Variants in SNTG2 observed in about 807,000 individuals in gnomAD.
SNTG2 encodes the protein gamma-2-syntrophin.
Under a neutral mutation model 70.9 loss-of-function variants are expected in SNTG2, and 74 were observed. That is an observed-to-expected ratio of 1.04 (90% CI 0.86 to 1.27). SNTG2 has a LOEUF of 1.27. Ranked by LOEUF, SNTG2 falls within the 50% of genes most tolerant of loss-of-function variation. The probability of loss-of-function intolerance (pLI) is 0.00; values close to 1 mark genes in which losing one functional copy is unlikely to be tolerated. For synonymous variants in SNTG2, 278 were observed against 273.8 expected (o/e 1.02, Z -0.15); for missense variants, 717 against 690.7 (o/e 1.04, Z -0.43).
chr2:1,243,851 C>A (rs1206339335), intron 11 of SNTG2, among the ~76,000 whole-genome samples: 1 of 152,216 alleles, frequency 6.6e-6, no homozygotes, highest in Non-Finnish European at 1.5e-5. Flanking sequence ...CATGGTGAAA[C>A]CCCGTCTCTA....
At chr2:1,015,782 G>A (rs534625707) in intron 1 of SNTG2, among the ~76,000 whole-genome samples, 8 of 152,314 alleles carry the variant, frequency 5.3e-5, no homozygotes, top group African/African-American at 1.9e-4. Flanking sequence ...AAGAATTGAA[G>A]ACGCGCCTTT....
intron 9 of SNTG2, among the ~76,000 whole-genome samples, chr2:1,216,017 G>A (rs1273827400): frequency 1.3e-5 from 2 of 152,150 alleles, no homozygotes; most frequent in South Asian, 2.1e-4. Flanking sequence ...TTGAACATAC[G>A]TGTGCATGTG....
At chr2:1,183,209 T>G (rs1248067353) in intron 8 of SNTG2, among the ~76,000 whole-genome samples, 1 of 151,240 alleles carries the variant, frequency 6.6e-6, no homozygotes, top group Non-Finnish European at 1.5e-5. Flanking sequence ...TGCTATCCAG[T>G]ATTCCACTGT....
intron 9 of SNTG2, among the ~76,000 whole-genome samples, chr2:1,214,520 T>C (rs1572744547): frequency 6.6e-6 from 1 of 152,174 alleles, no homozygotes; most frequent in Admixed American, 6.5e-5. Context: ...AATGGGATTG[T>C]TTTATTAATT....
At chr2:1,136,506 G>A (rs1306169153) in intron 4 of SNTG2, among the ~76,000 whole-genome samples, 1 of 152,108 alleles carries the variant, frequency 6.6e-6, no homozygotes, top group Non-Finnish European at 1.5e-5. Context: ...TACAGAATCG[G>A]TACCATTACG....
At chr2:1,188,887 CT>C (rs1350163218) in intron 8 of SNTG2, among the ~76,000 whole-genome samples, 1 of 152,026 alleles carries the variant, frequency 6.6e-6, no homozygotes, top group Non-Finnish European at 1.5e-5. Flanking sequence ...AATGGTGAAT[CT>C]TTAAATGAAT....
chr2:1,042,378 C>T (rs540408259), intron 1 of SNTG2, among the ~76,000 whole-genome samples: 2 of 151,926 alleles, frequency 1.3e-5, no homozygotes, highest in African/African-American at 4.8e-5. Flanking sequence ...CTTTTCTTTC[C>T]AACTTTTGTT....
chr2:1,113,951 G>T (rs1572468532), intron 4 of SNTG2, among the ~76,000 whole-genome samples: 3 of 151,522 alleles, frequency 2.0e-5, no homozygotes, highest in Admixed American at 2.0e-4. Context: ...TTTCCTAAGT[G>T]AAGTTTAACC....
intron 1 of SNTG2, among the ~76,000 whole-genome samples, chr2:1,033,729 C>A (rs1004457019): frequency 2.6e-5 from 4 of 152,138 alleles, no homozygotes; most frequent in Non-Finnish European, 5.9e-5. Flanking sequence ...GACCTGTGGA[C>A]AGGCTTCTCA....
intron 1 of SNTG2, among the ~76,000 whole-genome samples, chr2:972,617 G>T (rs1487826011): frequency 6.6e-6 from 1 of 152,082 alleles, no homozygotes; most frequent in Non-Finnish European, 1.5e-5. Context: ...GGTGGAGCCT[G>T]GTGGGAAGTG....
At chr2:1,295,021 G>A (rs776763541) in intron 14 of SNTG2, among the ~76,000 whole-genome samples, 4 of 152,210 alleles carry the variant, frequency 2.6e-5, no homozygotes, top group Admixed American at 6.5e-5. Context: ...CTCCCGCTGC[G>A]CTGAGTGTGA....
rs114469680 is a variant in SNTG2 at position 1,209,174 on chromosome 2, C to G, written c.663C>G (p.Ser221=). The change falls in exon 9 of 17, where the codon TCC becomes TCG. Residue 221 remains serine, a synonymous_variant. Transcript: ENST00000308624. The stretch of plus-strand genomic sequence containing the variant: ...AGAAGCGCTGGCTGGACACCTTGTC[C>G]GTGCCTCTGTCCATGGCTCGCATCT... ...RYEKRWLDTL[S]VPLSMARISR... 6.6e-4 allele frequency: 1,067 copies of G among 1,613,924 alleles called. 14 individuals are homozygous for G. The African/African-American group carries it at 0.012, about 18-fold the overall frequency.
At chr2:1,032,207 G>A (rs1479868194) in intron 1 of SNTG2, among the ~76,000 whole-genome samples, 2 of 152,116 alleles carry the variant, frequency 1.3e-5, no homozygotes, top group Non-Finnish European at 2.9e-5. Context: ...GGGCACGGGA[G>A]CACGGCGCCT....
At chr2:1,169,879 C>G (rs1572633484) in intron 7 of SNTG2, among the ~76,000 whole-genome samples, 1 of 152,180 alleles carries the variant, frequency 6.6e-6, no homozygotes, top group Non-Finnish European at 1.5e-5. Flanking sequence ...TGTCTATTCT[C>G]CTTTTATTTC....
At chr2:1,282,634 C>A (rs922242141) in intron 14 of SNTG2, among the ~76,000 whole-genome samples, 1 of 152,102 alleles carries the variant, frequency 6.6e-6, no homozygotes, top group East Asian at 1.9e-4. Context: ...CCGCCTCCCC[C>A]GCACAGCGCG....
chr2:1,033,762 G>A (rs1473674249), intron 1 of SNTG2, among the ~76,000 whole-genome samples: 2 of 152,104 alleles, frequency 1.3e-5, no homozygotes, highest in Non-Finnish European at 2.9e-5. Context: ...AGATTACTGT[G>A]TTGTAGTCTA....
chr2:1,218,563 T>G (rs2148016321), intron 9 of SNTG2, among the ~76,000 whole-genome samples: 1 of 152,336 alleles, frequency 6.6e-6, no homozygotes, highest in Admixed American at 6.5e-5. Flanking sequence ...CCATAGCATG[T>G]GTGTTTCAGA....
intron 7 of SNTG2, among the ~76,000 whole-genome samples, chr2:1,165,895 C>T (rs1332323904): frequency 5.9e-5 from 9 of 152,160 alleles, no homozygotes; most frequent in Non-Finnish European, 1.5e-5. Flanking sequence ...ACTACATGCT[C>T]GTTCCTTCAT....
intron 1 of SNTG2, among the ~76,000 whole-genome samples, chr2:1,016,200 C>G (rs561239822): frequency 2.0e-5 from 3 of 152,026 alleles, no homozygotes; most frequent in Non-Finnish European, 2.9e-5. Flanking sequence ...CTGTTGTCAA[C>G]AAGTAATCCC....
Sources: allele counts gnomAD v4.1 joint callset (sites outside exome capture counted in the v4.1 genomes callset), GRCh38; gene constraint gnomAD v4.1.1; transcripts MANE v1.5; gene names NCBI Gene and HGNC (gene_info 2026-07-23, HGNC 2026-07-21).